Variants in CDH13 observed in about 807,000 individuals in gnomAD.
The protein encoded by CDH13 is cadherin-13.
Under a neutral mutation model 63.8 loss-of-function variants are expected in CDH13, and 24 were observed. The observed-to-expected ratio is 0.38, with a 90% CI of 0.27 to 0.53. The LOEUF is 0.53. Ranked by LOEUF, CDH13 falls within the 20% of genes least tolerant of loss-of-function variation. CDH13 has a pLI of 0.85. For missense variants in CDH13, 1,049 were observed against 903.1 expected (o/e 1.16, Z -2.07); for synonymous variants, 503 against 355.3 (o/e 1.42, Z -4.67).
At chr16:83,104,885 G>A (rs554426256) in intron 3 of CDH13, among the ~76,000 whole-genome samples, 4 of 152,288 alleles carry the variant, frequency 2.6e-5, no homozygotes, top group African/African-American at 9.6e-5. Context: ...CAAATCGATC[G>A]AGTTCTGGCA....
chr16:82,685,078 C>G (rs1214691130), intron 1 of CDH13, among the ~76,000 whole-genome samples: 1 of 152,184 alleles, frequency 6.6e-6, no homozygotes, highest in African/African-American at 2.4e-5. Flanking sequence ...AGTGCGCAGA[C>G]ATTGCCAGGC....
intron 6 of CDH13, among the ~76,000 whole-genome samples, chr16:83,413,265 TC>T (rs1184473368): frequency 2.0e-5 from 3 of 152,208 alleles, no homozygotes; most frequent in Non-Finnish European, 2.9e-5. Flanking sequence ...TCTACAGGTC[TC>T]CCATAAAATA....
chr16:83,729,664 C>A (rs1341418450), intron 10 of CDH13, among the ~76,000 whole-genome samples: 1 of 152,168 alleles, frequency 6.6e-6, no homozygotes, highest in African/African-American at 2.4e-5. Flanking sequence ...GTAATCCCAC[C>A]CACATGAAGT....
At chr16:82,666,757 G>A (rs535956130) in intron 1 of CDH13, among the ~76,000 whole-genome samples, 22 of 152,314 alleles carry the variant, frequency 1.4e-4, no homozygotes, top group African/African-American at 5.3e-4. Flanking sequence ...GTTAAATGGT[G>A]TGCTCAAGGT....
chr16:83,068,759 T>C (rs1300145881), intron 3 of CDH13, among the ~76,000 whole-genome samples: 1 of 152,204 alleles, frequency 6.6e-6, no homozygotes, highest in South Asian at 2.1e-4. Flanking sequence ...TGAGCTTCAG[T>C]ATTTTAAGTC....
intron 5 of CDH13, among the ~76,000 whole-genome samples, chr16:83,285,101 C>A (rs1433315649): frequency 6.6e-6 from 1 of 152,126 alleles, no homozygotes; most frequent in Non-Finnish European, 1.5e-5. Context: ...GGCTTTTTAA[C>A]CTTCAGAAGT....
chr16:83,234,833 G>A (rs1175953595), intron 5 of CDH13, among the ~76,000 whole-genome samples: 2 of 152,314 alleles, frequency 1.3e-5, no homozygotes, highest in Non-Finnish European at 2.9e-5. Flanking sequence ...GTAGCTGATA[G>A]TGAAAGAACC....
intron 5 of CDH13, among the ~76,000 whole-genome samples, chr16:83,299,717 G>A (rs1165077269): frequency 6.6e-6 from 1 of 152,176 alleles, no homozygotes; most frequent in East Asian, 1.9e-4. Flanking sequence ...CTTGGAAAAT[G>A]CCAGTTGTTA....
chr16:83,449,225 G>A (rs2151508105), intron 6 of CDH13, among the ~76,000 whole-genome samples: 1 of 152,246 alleles, frequency 6.6e-6, no homozygotes, highest in Admixed American at 6.5e-5. Flanking sequence ...ATAATGTCAA[G>A]CCCTTGGAGA....
intron 1 of CDH13, among the ~76,000 whole-genome samples, chr16:82,747,618 A>G (rs185273045): frequency 2.8e-4 from 43 of 152,342 alleles, no homozygotes; most frequent in African/African-American, 1.0e-3. Context: ...CCTTCAAGTA[A>G]TTCTGATGGC....
intron 1 of CDH13, among the ~76,000 whole-genome samples, chr16:82,648,554 G>T (rs1477275635): frequency 2.0e-5 from 3 of 152,154 alleles, no homozygotes; most frequent in Non-Finnish European, 4.4e-5. Context: ...AGGAGATTGT[G>T]TGTGCAGTAG....
At chr16:83,117,909 G>C (rs1468680570) in intron 3 of CDH13, among the ~76,000 whole-genome samples, 1 of 152,170 alleles carries the variant, frequency 6.6e-6, no homozygotes, top group East Asian at 1.9e-4. Context: ...TTGGGAAACA[G>C]GGAGGAAAGC....
At chr16:83,511,404 G>A (rs2074561729) in intron 7 of CDH13, among the ~76,000 whole-genome samples, 1 of 151,922 alleles carries the variant, frequency 6.6e-6, no homozygotes, top group African/African-American at 2.4e-5. Flanking sequence ...CAAGGTTGCA[G>A]TGAGCTGAGA....
intron 2 of CDH13, among the ~76,000 whole-genome samples, chr16:83,002,622 A>G (rs977403176): frequency 1.2e-4 from 19 of 152,340 alleles, no homozygotes; most frequent in African/African-American, 3.8e-4. Context: ...AATGTATTCA[A>G]TGTTGGGTTG....
intron 2 of CDH13, among the ~76,000 whole-genome samples, chr16:82,873,718 C>T (rs1051518014): frequency 2.0e-5 from 3 of 152,122 alleles, no homozygotes; most frequent in African/African-American, 4.8e-5. Flanking sequence ...TGGTTTTATC[C>T]TTTAAAAGAA....
At chr16:82,970,653 C>A (rs567842713) in intron 2 of CDH13, among the ~76,000 whole-genome samples, 2 of 117,424 alleles carry the variant, frequency 1.7e-5, no homozygotes, top group African/African-American at 5.4e-5. Flanking sequence ...CCCGCCTCGG[C>A]CTCCCAAAGT....
Position 83,003,412 on chromosome 16 carries a change from C to T in CDH13, c.158-28598C>T, listed in dbSNP as rs944519061. On this transcript the variant is annotated intron_variant, in intron 2 of 13. Transcript: ENST00000567109. ...GGTTTTTTTTTTTAATTTTCTATCT[C>T]AAAAATCCAGGCTCATAAATAGGGA... Among the ~76,000 whole-genome samples, 113 of 151,238 alleles carry T rather than the reference C, an allele frequency of 7.5e-4. 1 individual carries two copies. The East Asian group carries it at 0.022, about 29-fold the overall frequency.
At chr16:83,325,760 C>T (rs998365875) in intron 5 of CDH13, among the ~76,000 whole-genome samples, 1 of 152,116 alleles carries the variant, frequency 6.6e-6, no homozygotes, top group African/African-American at 2.4e-5. Flanking sequence ...TCTCAGGGAA[C>T]AAATACCTTA....
intron 6 of CDH13, among the ~76,000 whole-genome samples, chr16:83,445,240 A>AAAGG (rs1567677341): frequency 5.3e-5 from 3 of 56,494 alleles, no homozygotes; most frequent in African/African-American, 1.7e-4. Flanking sequence ...AGAGTTTATA[A>AAAGG]TTTATAAAAG....
Sources: allele counts gnomAD v4.1 joint callset (sites outside exome capture counted in the v4.1 genomes callset), GRCh38; gene constraint gnomAD v4.1.1; transcripts MANE v1.5; gene names NCBI Gene and HGNC (gene_info 2026-07-23, HGNC 2026-07-21).